SCAI: variants seen among roughly 807,000 people sequenced by gnomAD.
SCAI encodes the protein suppressor of cancer cell invasion.
Under a neutral mutation model 92.2 loss-of-function variants are expected in SCAI, and 24 were observed. That is an observed-to-expected ratio of 0.26 (90% CI 0.19 to 0.37). The LOEUF (loss-of-function observed/expected upper bound fraction) is 0.37. Among genes scored for constraint, SCAI ranks in the 10% least tolerant of loss-of-function variants. SCAI has a pLI of 1.00. For synonymous variants in SCAI, 261 were observed against 258.6 expected (o/e 1.01, Z -0.09); for missense variants, 450 against 736.2 (o/e 0.61, Z 4.50).
At chr9:124,960,625 G>A (rs190563906) in intron 17 of SCAI, among the ~76,000 whole-genome samples, 264 of 152,302 alleles carry the variant, frequency 1.7e-3, no homozygotes, top group Admixed American at 5.6e-3. Context: ...GTAATCTCGA[G>A]TGAAAACAAT....
chr9:125,121,854 C>CA (rs1308664949), intron 2 of SCAI, among the ~76,000 whole-genome samples: 30 of 151,284 alleles, frequency 2.0e-4, no homozygotes, highest in Non-Finnish European at 4.1e-4. Context: ...GACTCAGTCT[C>CA]AAAAAAATAA....
intron 2 of SCAI, among the ~76,000 whole-genome samples, chr9:125,126,970 T>C (rs1458650591): frequency 6.6e-6 from 1 of 152,120 alleles, no homozygotes; most frequent in African/African-American, 2.4e-5. Flanking sequence ...CTTGAGGAGA[T>C]TATACTGAGG....
At chr9:125,026,056 A>G (rs2131082116) in intron 6 of SCAI, among the ~76,000 whole-genome samples, 1 of 152,316 alleles carries the variant, frequency 6.6e-6, no homozygotes, top group East Asian at 1.9e-4. Flanking sequence ...CCACAATTCC[A>G]TACTCATCTG....
At chr9:125,113,210 G>A (rs1383215232) in intron 2 of SCAI, among the ~76,000 whole-genome samples, 1 of 152,154 alleles carries the variant, frequency 6.6e-6, no homozygotes, top group Non-Finnish European at 1.5e-5. Flanking sequence ...AGGTAATCAA[G>A]TTTACAGTCA....
rs1292468661 is a variant in SCAI, at chr9:125,004,790, T to A, written c.862-1220A>T. Among the ~76,000 whole-genome samples, 91 of 77,606 alleles carry A rather than the reference T, an allele frequency of 1.2e-3. 4 individuals are homozygous for A. Among genetic ancestry groups the A allele is most frequent in the Non-Finnish European group, 1.9e-3 (76 of 39,344 alleles). The allele number at this position is 77,606 out of a possible 152,430, so 50.9% of individuals were successfully genotyped here. ...ATATATATATATATATTTTTTTTTT[T>A]TTTTTTTTTTTTTTTGAGATGGAGT... is the stretch of plus-strand genomic sequence containing the variant. On this transcript the variant is annotated intron_variant, in intron 9 of 17. Coordinates refer to ENST00000336505, the MANE Select transcript of SCAI (RefSeq NM_001144877.3).
chr9:124,985,581 A>G (rs990957648), intron 14 of SCAI, among the ~76,000 whole-genome samples: 1 of 152,202 alleles, frequency 6.6e-6, no homozygotes, highest in Non-Finnish European at 1.5e-5. Context: ...AGAAAATCCA[A>G]TTTCAGCTGG....
chr9:125,013,976 A>G (rs1216152074), intron 9 of SCAI, among the ~76,000 whole-genome samples: 2 of 152,192 alleles, frequency 1.3e-5, no homozygotes, highest in African/African-American at 4.8e-5. Context: ...ACAAAATTCA[A>G]CAACGCTTCA....
chr9:125,008,500 A>T (rs1384825342), intron 9 of SCAI, among the ~76,000 whole-genome samples: 2 of 152,206 alleles, frequency 1.3e-5, no homozygotes, highest in Admixed American at 6.5e-5. Context: ...AAAAAAATTT[A>T]ATCTATAAAA....
chr9:125,018,829 G>C lies in SCAI; in HGVS notation c.831C>G (p.Asp277Glu). 6.2e-7 allele frequency: 1 copy of C among 1,612,222 alleles called. No homozygotes were observed. Among genetic ancestry groups the C allele is most frequent in the Non-Finnish European group, 8.5e-7 (1 of 1,179,452 alleles). The change falls in exon 9 of 18, where the codon GAC becomes GAG. Residue 277 changes from aspartate to glutamate, a missense_variant. This residue lies in a region of SCAI where 360 missense variants were observed against 601.8 expected (regional missense o/e 0.60). Coordinates refer to ENST00000336505, the MANE Select transcript of SCAI (RefSeq NM_001144877.3). ...GMIVGQLSLADALIIGNCNNQ... is the reference protein window; with the variant it reads ...GMIVGQLSLAEALIIGNCNNQ... ...TATTACAATTACCAATAATGAGTGC[G>C]TCAGCCAGAGACAACTGTCCCACAA...
At chr9:125,075,205 T>C (rs1397893222) in intron 2 of SCAI, among the ~76,000 whole-genome samples, 1 of 152,130 alleles carries the variant, frequency 6.6e-6, no homozygotes, top group African/African-American at 2.4e-5. Context: ...AACAATTCAT[T>C]CAAACTGTCT....
chr9:125,090,684 C>G (rs1834412707), intron 2 of SCAI, among the ~76,000 whole-genome samples: 1 of 152,182 alleles, frequency 6.6e-6, no homozygotes, highest in East Asian at 1.9e-4. Flanking sequence ...CCATTCTTGA[C>G]ATAGCAGCGA....
At chr9:125,026,057 T>C (rs1159324819) in intron 6 of SCAI, among the ~76,000 whole-genome samples, 1 of 152,166 alleles carries the variant, frequency 6.6e-6, no homozygotes, top group East Asian at 1.9e-4. Context: ...CACAATTCCA[T>C]ACTCATCTGG....
intron 2 of SCAI, among the ~76,000 whole-genome samples, chr9:125,086,736 A>G (rs890715086): frequency 1.3e-5 from 2 of 152,188 alleles, no homozygotes; most frequent in Non-Finnish European, 2.9e-5. Context: ...CGTGGGTAAG[A>G]GCACTGGTGT....
At position 125,021,546 on chromosome 9, in the gene SCAI, G is replaced by A. The variant is rs116739588; in HGVS notation, c.513-777C>T. Among the ~76,000 whole-genome samples, 1,043 of 152,198 alleles carry A rather than the reference G, an allele frequency of 6.9e-3. 14 individuals are homozygous for A. The highest frequency in any genetic ancestry group is 0.023 in the African/African-American group (940 of 41,526). On this transcript the variant is annotated intron_variant, in intron 6 of 17. Transcript: ENST00000336505. ...ACGTGCATCCTTTAACTTATCAAAT[G>A]CCCTTACAATATATTTTATCTGTTC...
At chr9:124,971,337 TA>T in intron 17 of SCAI, 32 bp downstream of exon 17, 1 of 1,256,302 alleles carries the variant, frequency 8.0e-7, no homozygotes, top group Non-Finnish European at 1.1e-6. Flanking sequence ...CCTAAAATGA[TA>T]AAATTCGTCT....
intron 7 of SCAI, among the ~76,000 whole-genome samples, chr9:125,019,851 A>C (rs1490662719): frequency 6.6e-6 from 1 of 152,006 alleles, no homozygotes; most frequent in Non-Finnish European, 1.5e-5. Flanking sequence ...AGGCTGGCGG[A>C]TTGCTTGAAC....
chr9:124,988,035 A>AACAC (rs144782993), intron 14 of SCAI, among the ~76,000 whole-genome samples: 26 of 149,692 alleles, frequency 1.7e-4, no homozygotes, highest in African/African-American at 2.7e-4. Flanking sequence ...TGTATCTATA[A>AACAC]ACACACACAC....
intron 14 of SCAI, among the ~76,000 whole-genome samples, chr9:124,981,048 G>T (rs544819700): frequency 1.2e-4 from 18 of 152,050 alleles, no homozygotes; most frequent in Middle Eastern, 3.4e-3. Context: ...ATCTTTATTT[G>T]CAAGTTTTTG....
At chr9:125,089,859 T>C (rs1834396336) in intron 2 of SCAI, among the ~76,000 whole-genome samples, 1 of 150,684 alleles carries the variant, frequency 6.6e-6, no homozygotes, top group Non-Finnish European at 1.5e-5. Flanking sequence ...CTTAGGAAGA[T>C]AAAAAAAAAG....
Sources: gnomAD v4.1 joint callset for allele counts (sites outside exome capture counted in the v4.1 genomes callset) on GRCh38, gnomAD v4.1.1 for gene constraint, gnomAD v4.1.1 regional missense constraint, MANE v1.5 for transcripts, NCBI Gene and HGNC (gene_info 2026-07-23, HGNC 2026-07-21) for gene names.